The following DLGAP2 variants were observed in gnomAD, a reference collection of about 807,000 sequenced individuals.
The protein encoded by DLGAP2 is disks large-associated protein 2.
A neutral mutation model predicts 100.3 loss-of-function variants in DLGAP2; 26 were observed. That is an observed-to-expected ratio of 0.26 (90% confidence interval 0.19 to 0.36). The LOEUF (loss-of-function observed/expected upper bound fraction) is 0.36. Among genes scored for constraint, DLGAP2 ranks in the 10% least tolerant of loss-of-function variants. DLGAP2 has a pLI of 1.00. For missense variants in DLGAP2, 1,858 were observed against 1,453.2 expected (o/e 1.28, Z -4.53); for synonymous variants, 886 against 630.1 (o/e 1.41, Z -6.08).
intron 6 of DLGAP2, among the ~76,000 whole-genome samples, chr8:1,623,090 A>T (rs1035916006): frequency 6.6e-6 from 1 of 152,220 alleles, no homozygotes; most frequent in South Asian, 2.1e-4. Context: ...AAAGCCTCTT[A>T]AGCCAAATGA....
chr8:999,510 G>A lies in DLGAP2; in HGVS notation c.73+91544G>A, dbSNP rs7004775. ...TTTTTTTTTTTCCCGATGGAGTGTCGGTCTGCCAGTCAGGCTGGAGTGCAG... is the reference window on the plus strand; with the variant it reads ...TTTTTTTTTTTCCCGATGGAGTGTCAGTCTGCCAGTCAGGCTGGAGTGCAG... On this transcript the variant is annotated intron_variant, in intron 2 of 14. Coordinates refer to ENST00000637795, the MANE Select transcript of DLGAP2 (RefSeq NM_001346810.2). 1.8e-3 allele frequency among the ~76,000 whole-genome samples: 265 copies of A among 148,736 alleles called. 2 individuals are homozygous for A. The highest frequency in any genetic ancestry group is 6.3e-3 in the African/African-American group (252 of 40,272).
intron 2 of DLGAP2, among the ~76,000 whole-genome samples, chr8:1,068,540 C>G (rs1299644914): frequency 6.6e-6 from 1 of 152,102 alleles, no homozygotes; most frequent in African/African-American, 2.4e-5. Context: ...CTAAGGCTGT[C>G]CCGGTGGCTA....
At chr8:841,897 A>C (rs1187292165) in intron 1 of DLGAP2, among the ~76,000 whole-genome samples, 1 of 152,210 alleles carries the variant, frequency 6.6e-6, no homozygotes. Flanking sequence ...TCTCGAGAGC[A>C]CAGGATATAA....
chr8:1,418,617 C>G (rs1797003364), intron 3 of DLGAP2, among the ~76,000 whole-genome samples: 1 of 152,188 alleles, frequency 6.6e-6, no homozygotes, highest in Admixed American at 6.5e-5. Flanking sequence ...AAAAGTGTTT[C>G]CTTCTCGACA....
intron 2 of DLGAP2, among the ~76,000 whole-genome samples, chr8:1,187,405 G>C (rs371662504): frequency 0.15 from 8,889 of 59,070 alleles, 659 homozygotes; most frequent in African/African-American, 0.34. Flanking sequence ...CTCACGGAAT[G>C]TCACACGCCC....
intron 6 of DLGAP2, among the ~76,000 whole-genome samples, chr8:1,592,641 C>T (rs942147768): frequency 2.6e-5 from 4 of 152,108 alleles, no homozygotes; most frequent in Admixed American, 2.6e-4. Context: ...TGAAAATTTT[C>T]CATTGGGAGA....
At chr8:1,271,239 C>G (rs762872536) in intron 3 of DLGAP2, among the ~76,000 whole-genome samples, 1 of 152,164 alleles carries the variant, frequency 6.6e-6, no homozygotes, top group Admixed American at 6.5e-5. Flanking sequence ...AAAAATCCAG[C>G]TTTCTCCACC....
chr8:1,546,659 C>T (rs1219774786), intron 4 of DLGAP2, among the ~76,000 whole-genome samples: 1 of 152,174 alleles, frequency 6.6e-6, no homozygotes, highest in African/African-American at 2.4e-5. Context: ...CTCTCACTCC[C>T]CATCACTCTG....
chr8:1,357,844 AG>A (rs1471432344), intron 3 of DLGAP2, among the ~76,000 whole-genome samples: 2 of 152,102 alleles, frequency 1.3e-5, no homozygotes, highest in Non-Finnish European at 2.9e-5. Context: ...GAGCACAGGG[AG>A]GGGGCAGGTC....
intron 3 of DLGAP2, among the ~76,000 whole-genome samples, chr8:1,294,727 G>T (rs1469755715): frequency 6.6e-6 from 1 of 152,092 alleles, no homozygotes; most frequent in Non-Finnish European, 1.5e-5. Context: ...ATTTTGGCTG[G>T]GTGTGGTGGT....
At chr8:935,130 C>T (rs1003642843) in intron 2 of DLGAP2, among the ~76,000 whole-genome samples, 1 of 152,248 alleles carries the variant, frequency 6.6e-6, no homozygotes, top group East Asian at 1.9e-4. Flanking sequence ...GCCATTCCCG[C>T]AGGGGACGCT....
intron 2 of DLGAP2, among the ~76,000 whole-genome samples, chr8:1,079,074 A>G (rs1803716250): frequency 6.6e-6 from 1 of 152,188 alleles, no homozygotes; most frequent in South Asian, 2.1e-4. Context: ...TCATGCTGTC[A>G]GGGTCTAGCT....
intron 2 of DLGAP2, among the ~76,000 whole-genome samples, chr8:1,096,717 G>C (rs1468896909): frequency 7.0e-6 from 1 of 142,600 alleles, no homozygotes; most frequent in Non-Finnish European, 1.5e-5. Context: ...TCCAGCGTGA[G>C]ACCCAGCTCC....
chr8:740,477 A>T (rs1213508993), intron 1 of DLGAP2: 1 of 152,232 alleles, frequency 6.6e-6, no homozygotes, highest in Non-Finnish European at 1.5e-5. Flanking sequence ...AGTGACATAC[A>T]TGCCCTTCTG....
At chr8:1,022,009 C>G (rs1801637192) in intron 2 of DLGAP2, among the ~76,000 whole-genome samples, 1 of 152,182 alleles carries the variant, frequency 6.6e-6, no homozygotes, top group African/African-American at 2.4e-5. Flanking sequence ...GCATCATGGA[C>G]AAAGCCACTG....
chr8:815,093 G>C (rs925194033), intron 1 of DLGAP2, among the ~76,000 whole-genome samples: 2 of 152,048 alleles, frequency 1.3e-5, no homozygotes, highest in Non-Finnish European at 2.9e-5. Context: ...TAATAGAAAG[G>C]GGGGTGTCGC....
intron 2 of DLGAP2, among the ~76,000 whole-genome samples, chr8:922,831 C>G (rs1480398832): frequency 6.6e-6 from 1 of 152,144 alleles, no homozygotes; most frequent in East Asian, 1.9e-4. Flanking sequence ...CCACTGTTCT[C>G]TCAGGTGTGA....
At chr8:824,156 C>T (rs34157238) in intron 1 of DLGAP2, among the ~76,000 whole-genome samples, 16,112 of 152,044 alleles carry the variant, frequency 0.11, 1,410 homozygotes, top group East Asian at 0.51. Flanking sequence ...CTCACTGCAG[C>T]CTCAACCTCC....
chr8:811,010 C>A (rs2132670421), intron 1 of DLGAP2, among the ~76,000 whole-genome samples: 1 of 152,168 alleles, frequency 6.6e-6, no homozygotes, highest in African/African-American at 2.4e-5. Flanking sequence ...TGGATGGCCA[C>A]CGTGTAGAAG....
Sources: gnomAD v4.1 joint callset for allele counts (sites outside exome capture counted in the v4.1 genomes callset) on GRCh38, gnomAD v4.1.1 for gene constraint, MANE v1.5 for transcripts, NCBI Gene and HGNC (gene_info 2026-07-23, HGNC 2026-07-21) for gene names.